Variants in CATSPERB observed in about 807,000 individuals in gnomAD.
The protein encoded by CATSPERB is cation channel sperm-associated auxiliary subunit beta.
A neutral mutation model predicts 128.3 loss-of-function variants in CATSPERB; 93 were observed. The observed-to-expected ratio is 0.72, with a 90% CI of 0.61 to 0.86. The LOEUF is 0.86. Ranked by LOEUF, CATSPERB falls within the 40% of genes least tolerant of loss-of-function variation. CATSPERB has a pLI of 0.00. For missense variants in CATSPERB, 1,153 were observed against 1,329.5 expected (o/e 0.87, Z 2.06); for synonymous variants, 381 against 448.8 (o/e 0.85, Z 1.91).
chr14:91,672,241 G>A (rs1895108903), intron 13 of CATSPERB, among the ~76,000 whole-genome samples: 1 of 152,146 alleles, frequency 6.6e-6, no homozygotes, highest in African/African-American at 2.4e-5. Flanking sequence ...CTTGACGATA[G>A]GGGCCGAACT....
intron 20 of CATSPERB, among the ~76,000 whole-genome samples, chr14:91,616,621 T>G (rs1204569079): frequency 6.6e-6 from 1 of 152,202 alleles, no homozygotes; most frequent in African/African-American, 2.4e-5. Context: ...AGCTCATCTT[T>G]ATTCTATCAC....
At chr14:91,691,376 T>C (rs1299970338) in intron 10 of CATSPERB, 147 bp downstream of exon 10, 2 of 357,294 alleles carry the variant, frequency 5.6e-6, no homozygotes, top group Admixed American at 4.7e-5. Flanking sequence ...AATTCATATA[T>C]ATAAAAAAAT....
intron 10 of CATSPERB, among the ~76,000 whole-genome samples, chr14:91,687,457 C>T (rs1176174032): frequency 1.3e-5 from 2 of 152,180 alleles, no homozygotes; most frequent in Admixed American, 6.5e-5. Context: ...CCTTGCCCCT[C>T]TGCCACGTGA....
At chr14:91,713,769 T>C (rs996052302) in intron 5 of CATSPERB, among the ~76,000 whole-genome samples, 1 of 152,120 alleles carries the variant, frequency 6.6e-6, no homozygotes, top group Non-Finnish European at 1.5e-5. Flanking sequence ...ACCAATTCTA[T>C]AAAAACTCAT....
At chr14:91,683,228 A>C (rs1895315380) in intron 11 of CATSPERB, among the ~76,000 whole-genome samples, 1 of 152,196 alleles carries the variant, frequency 6.6e-6, no homozygotes, top group South Asian at 2.1e-4. Flanking sequence ...TCCTACTGCA[A>C]GTCTAGGAAC....
At position 91,581,036 on chromosome 14, in the gene CATSPERB, T is replaced by G. The variant is rs1191404552; in HGVS notation, c.3204A>C (p.Leu1068=). 1 of 1,614,106 alleles carries G rather than the reference T, an allele frequency of 6.2e-7. No individual in the cohort carries two copies. The highest frequency in any genetic ancestry group is 1.7e-5 in the Admixed American group (1 of 60,024). Residue 1068 remains leucine (L), a synonymous_variant, in exon 27 of 27, where the codon CTA becomes CTC. Transcript: ENST00000256343. ...TLIAVATAVV[L]GGLIFIAFMF... The stretch of plus-strand genomic sequence containing the variant: ...TAAATGCTATAAAAATTAATCCCCC[T>G]AGCACTACCGCTGTTGCCACGGCAA...
chr14:91,616,229 G>A (rs1037505142), intron 20 of CATSPERB, among the ~76,000 whole-genome samples: 13 of 152,018 alleles, frequency 8.6e-5, no homozygotes, highest in African/African-American at 2.2e-4. Flanking sequence ...CTCAGCAACC[G>A]TGTACAAGTG....
At chr14:91,674,344 T>C in intron 11 of CATSPERB, 122 bp from the exon 12 acceptor site, 2 of 606,620 alleles carry the variant, frequency 3.3e-6, no homozygotes, top group South Asian at 2.1e-5. Context: ...AAACTTATGG[T>C]AAATGAAAAT....
intron 15 of CATSPERB, among the ~76,000 whole-genome samples, chr14:91,659,305 A>C (rs1566721291): frequency 6.6e-6 from 1 of 152,218 alleles, no homozygotes; most frequent in Non-Finnish European, 1.5e-5. Context: ...AATATTTGTT[A>C]GTTAAGAAAT....
At chr14:91,584,443 C>G (rs944541347) in intron 26 of CATSPERB, among the ~76,000 whole-genome samples, 1 of 152,200 alleles carries the variant, frequency 6.6e-6, no homozygotes, top group Non-Finnish European at 1.5e-5. Context: ...ATTTTCTTAA[C>G]AATTCTTTTC....
At chr14:91,581,259 G>T in intron 26 of CATSPERB, 152 bp from the exon 27 acceptor site, 1 of 653,928 alleles carries the variant, frequency 1.5e-6, no homozygotes. Context: ...ACAGTCTCTT[G>T]ACAGTTGAAC....
intron 11 of CATSPERB, among the ~76,000 whole-genome samples, chr14:91,677,566 T>C (rs1206845459): frequency 1.3e-5 from 2 of 152,226 alleles, no homozygotes; most frequent in Non-Finnish European, 2.9e-5. Flanking sequence ...CAATAGATGC[T>C]GGCAAGGCTG....
At chr14:91,595,200 G>A (rs960165023) in intron 22 of CATSPERB, among the ~76,000 whole-genome samples, 2 of 151,878 alleles carry the variant, frequency 1.3e-5, no homozygotes, top group Non-Finnish European at 2.9e-5. Flanking sequence ...CCTAATATTC[G>A]TATACAGTGT....
chr14:91,587,307 A>G, intron 25 of CATSPERB, 31 bp from the exon 26 acceptor site: 4 of 1,530,168 alleles, frequency 2.6e-6, no homozygotes, highest in Non-Finnish European at 3.6e-6. Flanking sequence ...AGTTGTTAGC[A>G]GCATCAACAT....
chr14:91,704,635 T>C lies in CATSPERB; in HGVS notation c.533A>G (p.His178Arg), dbSNP rs1295963443. 3 of 1,613,798 alleles carry C rather than the reference T, an allele frequency of 1.9e-6. No individual in the cohort carries two copies. Among genetic ancestry groups the C allele is most frequent in the South Asian group, 1.1e-5 (1 of 91,054 alleles). Reference sequence around the variant, plus strand: ...TTTTGTCACTTTGAGATCTACCACATGTGGATATAATTTACTGATTTCACT... The same window carrying C: ...TTTTGTCACTTTGAGATCTACCACACGTGGATATAATTTACTGATTTCACT... Reference protein sequence around the residue: ...PESEISKLYPHVVDLKVTKCP... With the variant: ...PESEISKLYPRVVDLKVTKCP... The change falls in exon 7 of 27, where the codon CAT (histidine) becomes CGT (arginine). Residue 178 changes from histidine to arginine, a missense_variant. Transcript: ENST00000256343.
At chr14:91,649,357 GTGTGT>G (rs2139813551) in intron 15 of CATSPERB, among the ~76,000 whole-genome samples, 1 of 134,230 alleles carries the variant, frequency 7.4e-6, no homozygotes, top group African/African-American at 2.8e-5. Context: ...GTGTGTGTGT[GTGTGT>G]AGAGATTGTT....
chr14:91,617,434 T>A (rs1196291634), intron 20 of CATSPERB, among the ~76,000 whole-genome samples, 163 bp downstream of exon 20: 1 of 152,212 alleles, frequency 6.6e-6, no homozygotes, highest in African/African-American at 2.4e-5. Flanking sequence ...TATAAAATTA[T>A]TACAACACTT....
At chr14:91,704,841 G>A in intron 6 of CATSPERB, 140 bp from the exon 7 acceptor site, 1 of 768,416 alleles carries the variant, frequency 1.3e-6, no homozygotes. Context: ...ACTCTGCATT[G>A]GTTAAAAATC....
chr14:91,648,622 T>C (rs1894648699), intron 15 of CATSPERB, among the ~76,000 whole-genome samples: 1 of 152,216 alleles, frequency 6.6e-6, no homozygotes, highest in South Asian at 2.1e-4. Flanking sequence ...GATATATTTG[T>C]ACTATTTATA....
Sources: gnomAD v4.1 joint callset for allele counts (sites outside exome capture counted in the v4.1 genomes callset) on GRCh38, gnomAD v4.1.1 for gene constraint, MANE v1.5 for transcripts, NCBI Gene and HGNC (gene_info 2026-07-23, HGNC 2026-07-21) for gene names.